Variants in CEP350 observed in about 807,000 individuals in gnomAD.
CEP350 encodes the protein centrosome-associated protein 350.
In CEP350, 126 loss-of-function variants were observed where a neutral mutation model predicts 331.8. The observed-to-expected ratio is 0.38, with a 90% confidence interval of 0.33 to 0.44. CEP350 has a LOEUF of 0.44. Ranked by LOEUF, CEP350 falls within the 20% of genes least tolerant of loss-of-function variation. The pLI is 1.00. For synonymous variants in CEP350, 1,200 were observed against 1,259.5 expected, an observed-to-expected ratio of 0.95 and a Z score of 1.00; for missense variants, 3,406 against 3,634.6, an observed-to-expected ratio of 0.94 and a Z score of 1.62.
At chr1:179,984,269 A>G (rs935660627) in intron 1 of CEP350, among the ~76,000 whole-genome samples, 7 of 152,234 alleles carry the variant, frequency 4.6e-5, no homozygotes, top group African/African-American at 1.2e-4. Flanking sequence ...TAAAACACCA[A>G]GCATTTGTGA....
intron 1 of CEP350, among the ~76,000 whole-genome samples, chr1:179,960,530 A>G (rs1229235099): frequency 6.6e-6 from 1 of 152,176 alleles, no homozygotes; most frequent in African/African-American, 2.4e-5. Context: ...TTTGACATCT[A>G]TAGGACACTA....
rs141309614 is a variant in CEP350, at chr1:179,964,189, A to G, written c.-14+9047A>G. 6.1e-4 allele frequency among the ~76,000 whole-genome samples: 93 copies of G among 152,248 alleles called. No homozygotes were observed. In the Middle Eastern group the frequency reaches 0.017, roughly 28 times the overall value. On this transcript the variant is annotated intron_variant, in intron 1 of 37. Coordinates refer to ENST00000367607, the MANE Select transcript of CEP350 (RefSeq NM_014810.5). ...ATTTTGCATCCTGAAACTTTACTGA[A>G]GTCTTTTTCTTAGGTCTAGGAGTTT...
chr1:180,080,235 A>G (rs1253849629), intron 29 of CEP350, among the ~76,000 whole-genome samples: 1 of 152,160 alleles, frequency 6.6e-6, no homozygotes, highest in East Asian at 1.9e-4. Flanking sequence ...CACAATAATC[A>G]CTTCTAATTT....
In CEP350 at chr1:180,044,187, G is replaced by T; in HGVS notation, c.4622+14G>T. On this transcript the variant is annotated intron_variant, in intron 21 of 37. Transcript: ENST00000367607. The stretch of plus-strand genomic sequence containing the variant: ...TCATGATAGAAGGTGAAGACAATTT[G>T]ATTTCTTTGTCAGTACAGTTTAGTA... 6.5e-7 allele frequency: 1 copy of T among 1,549,388 alleles called. No homozygotes were observed. Among genetic ancestry groups the T allele is most frequent in the South Asian group, 1.2e-5 (1 of 80,948 alleles).
Position 179,992,154 on chromosome 1 carries a change from A to G in CEP350, c.328A>G (p.Thr110Ala), listed in dbSNP as rs756214475. Reference sequence around the variant, plus strand: ...GAAATCTCGTAGTCCTCTCAGGGCCACCACCCTGGAGAGTAATGTGAAGAA... The same window carrying G: ...GAAATCTCGTAGTCCTCTCAGGGCCGCCACCCTGGAGAGTAATGTGAAGAA... ...KEKSRSPLRA[T>A]TLESNVKKNN... The change falls in exon 5 of 38, where the codon ACC (threonine) becomes GCC (alanine). Residue 110 changes from threonine to alanine, a missense_variant. Physicochemically the swap from Thr to Ala is moderately conservative, Grantham distance 58. Around this residue, in one of 5 missense-constraint regions of CEP350, gnomAD observed 1,857 missense variants for 1,909.2 expected, o/e 0.97. Coordinates refer to ENST00000367607, the MANE Select transcript of CEP350 (RefSeq NM_014810.5). The G allele has an allele frequency of 1.3e-6, 2 of 1,543,854 alleles. No homozygotes were observed. Among genetic ancestry groups the G allele is most frequent in the South Asian group, 2.5e-5 (2 of 80,234 alleles).
chr1:180,092,923 A>G lies in CEP350; in HGVS notation c.6818A>G (p.Asp2273Gly), dbSNP rs1388646755. The change falls in exon 34 of 38, where the codon GAT (aspartate) becomes GGT (glycine). Residue 2273 changes from aspartate (D) to glycine (G), a missense_variant. Physicochemically the swap from Asp to Gly is moderately conservative, Grantham distance 94. This residue lies in a region of CEP350 where 1,415 missense variants were observed against 1,512.3 expected (regional missense o/e 0.94). Coordinates refer to ENST00000367607, the MANE Select transcript of CEP350 (RefSeq NM_014810.5). ...YTKLKKSKIEDAFSKEGKSDV... is the reference protein window; with the variant it reads ...YTKLKKSKIEGAFSKEGKSDV... ...AAATTGAAGAAGAGTAAGATTGAAGATGCCTTTTCTAAAGAAGGTAAATCT... is the reference window on the plus strand; with the variant it reads ...AAATTGAAGAAGAGTAAGATTGAAGGTGCCTTTTCTAAAGAAGGTAAATCT... 6.3e-7 allele frequency: 1 copy of G among 1,581,982 alleles called. No homozygotes were observed.
rs373545037 is a variant in CEP350 at position 180,018,294 on chromosome 1, C to G, written c.2175-1655C>G. On this transcript the variant is annotated intron_variant, in intron 11 of 37. Coordinates refer to ENST00000367607, the MANE Select transcript of CEP350 (RefSeq NM_014810.5). ...TCAGCCTCCCAAGTAGCTAGGATTA[C>G]AGGTGTGAGCTACCATGCCCAGCTC... is the stretch of plus-strand genomic sequence containing the variant. 2.1e-3 allele frequency among the ~76,000 whole-genome samples: 313 copies of G among 152,294 alleles called. 2 individuals carry two copies. The highest frequency in any genetic ancestry group is 7.3e-3 in the African/African-American group (302 of 41,568).
chr1:180,041,379 G>A, intron 18 of CEP350, 131 bp downstream of exon 18: 1 of 697,636 alleles, frequency 1.4e-6, no homozygotes, highest in Non-Finnish European at 2.3e-6. Flanking sequence ...TACTTTTTAT[G>A]GGATAATGCC....
chr1:180,014,190 T>C lies in CEP350; in HGVS notation c.1737T>C (p.Asn579=). ...VKRKPDKITA[N]EDPPVISKRR... ...GAAAACCTGACAAAATAACAGCTAA[T>C]GAAGATCCCCCTGTTATTTCCAAAA... Residue 579 remains asparagine, a synonymous_variant, in exon 10 of 38, where the codon AAT becomes AAC. Coordinates refer to ENST00000367607, the MANE Select transcript of CEP350 (RefSeq NM_014810.5). The C allele has an allele frequency of 1.2e-6, 2 of 1,609,654 alleles. No individual in the cohort carries two copies. The highest frequency in any genetic ancestry group is 2.2e-5 in the East Asian group (1 of 44,836).
chr1:179,991,756 T>G (rs1488382805), intron 4 of CEP350, among the ~76,000 whole-genome samples: 4 of 148,676 alleles, frequency 2.7e-5, no homozygotes. Context: ...GTTTGTTAGG[T>G]TGTATATGAT....
intron 1 of CEP350, chr1:179,969,439 T>C: frequency 2.0e-6 from 1 of 498,164 alleles, no homozygotes; most frequent in African/African-American, 1.9e-5. Context: ...ACTGGAGTGC[T>C]CAGAAGACTG....
intron 8 of CEP350, among the ~76,000 whole-genome samples, chr1:180,011,337 T>A (rs1654643554): frequency 6.6e-6 from 1 of 152,228 alleles, no homozygotes. Context: ...GTCATTTTTT[T>A]AAAGCAAACA....
At chr1:179,991,705 GTGTATATATA>G (rs1349738141) in intron 4 of CEP350, among the ~76,000 whole-genome samples, 1 of 122,446 alleles carries the variant, frequency 8.2e-6, no homozygotes, top group African/African-American at 3.0e-5. Context: ...GTGTGTGTGT[GTGTATATATA>G]TATATATATA....
intron 14 of CEP350, among the ~76,000 whole-genome samples, chr1:180,030,502 TACTAG>T (rs1655958740): frequency 6.6e-6 from 1 of 151,848 alleles, no homozygotes; most frequent in Non-Finnish European, 1.5e-5. Flanking sequence ...ATGAATAGTG[TACTAG>T]ACTAGAGTCA....
At chr1:180,031,621 T>C (rs1017378679) in intron 15 of CEP350, 127 bp downstream of exon 15, 18 of 396,880 alleles carry the variant, frequency 4.5e-5, no homozygotes, top group Non-Finnish European at 7.4e-5. Context: ...ACTACAAAAT[T>C]CTGTATTTTA....
At chr1:179,980,648 A>G (rs1013031264) in intron 1 of CEP350, among the ~76,000 whole-genome samples, 4 of 152,074 alleles carry the variant, frequency 2.6e-5, no homozygotes, top group Non-Finnish European at 5.9e-5. Context: ...TCATTCATGG[A>G]TTACTAGGTT....
intron 17 of CEP350, among the ~76,000 whole-genome samples, chr1:180,038,917 T>C (rs1053473735): frequency 2.0e-5 from 3 of 152,128 alleles, no homozygotes; most frequent in African/African-American, 7.2e-5. Flanking sequence ...CCTTTAATTT[T>C]CTAAGAAATC....
intron 37 of CEP350, among the ~76,000 whole-genome samples, chr1:180,107,442 A>G (rs1184055658): frequency 6.6e-6 from 1 of 152,152 alleles, no homozygotes; most frequent in Admixed American, 6.6e-5. Flanking sequence ...GCCGGGGCAG[A>G]TGGATCACCT....
chr1:180,110,617 T>C (rs1661419129), intron 37 of CEP350, among the ~76,000 whole-genome samples: 1 of 152,220 alleles, frequency 6.6e-6, no homozygotes, highest in African/African-American at 2.4e-5. Flanking sequence ...CATAACTCCA[T>C]TGTAAGTAGA....
Sources: gnomAD v4.1 joint callset for allele counts (sites outside exome capture counted in the v4.1 genomes callset) on GRCh38, gnomAD v4.1.1 for gene constraint, gnomAD v4.1.1 regional missense constraint, MANE v1.5 for transcripts, NCBI Gene and HGNC (gene_info 2026-07-23, HGNC 2026-07-21) for gene names.